Variants in NRXN1 observed in about 807,000 individuals in gnomAD.
NRXN1 encodes neurexin-1.
In NRXN1, 39 loss-of-function variants were observed where a neutral mutation model predicts 150.9. The ratio of observed to expected loss-of-function variants is 0.26; its 90% confidence interval spans 0.20 to 0.34. The LOEUF (loss-of-function observed/expected upper bound fraction) is 0.34, where lower values mean the gene tolerates loss of function less well. Among genes scored for constraint, NRXN1 ranks in the 10% least tolerant of loss-of-function variants. The pLI is 1.00. For synonymous variants in NRXN1, 924 were observed against 757.0 expected (o/e 1.22, Z -3.62); for missense variants, 1,815 against 1,949.9 (o/e 0.93, Z 1.30).
At chr2:50,716,644 C>T (rs1210304735) in intron 5 of NRXN1, among the ~76,000 whole-genome samples, 1 of 152,080 alleles carries the variant, frequency 6.6e-6, no homozygotes, top group Non-Finnish European at 1.5e-5. Flanking sequence ...TATCTACTTC[C>T]ATCTACATAT....
At chr2:50,662,115 T>C (rs1384343744) in intron 5 of NRXN1, among the ~76,000 whole-genome samples, 2 of 152,050 alleles carry the variant, frequency 1.3e-5, no homozygotes, top group Non-Finnish European at 2.9e-5. Context: ...TGAAATGCTA[T>C]AAACTAAACA....
At chr2:50,451,531 T>C (rs2086964990) in intron 17 of NRXN1, among the ~76,000 whole-genome samples, 1 of 152,186 alleles carries the variant, frequency 6.6e-6, no homozygotes. Flanking sequence ...GAAGGGAAAA[T>C]AGTACTCACC....
intron 18 of NRXN1, among the ~76,000 whole-genome samples, chr2:50,140,503 G>C (rs972036902): frequency 4.6e-5 from 7 of 152,180 alleles, no homozygotes; most frequent in South Asian, 4.1e-4. Flanking sequence ...ACAAAGTCCA[G>C]TGACTACAGA....
intron 15 of NRXN1, among the ~76,000 whole-genome samples, chr2:50,493,487 C>T (rs533812666): frequency 5.3e-5 from 8 of 152,268 alleles, no homozygotes; most frequent in East Asian, 3.9e-4. Context: ...CTCATAGAGA[C>T]GGAGAGCTTT....
chr2:50,114,305 G>A lies in NRXN1; in HGVS notation c.3547-22811C>T, dbSNP rs537253097. ...AGGAATTGCAAGTTAAAACTACAGT[G>A]ATACACCACTATAAACCTAGTAGAA... On this transcript the variant is annotated intron_variant, in intron 18 of 22. Transcript: ENST00000401669. 5.3e-5 allele frequency among the ~76,000 whole-genome samples: 8 copies of A among 152,248 alleles called. No homozygotes were observed. The South Asian group carries it at 1.7e-3, about 32-fold the overall frequency.
intron 18 of NRXN1, among the ~76,000 whole-genome samples, chr2:50,223,916 T>TCACACATAAGGC (rs1225601816): frequency 6.6e-6 from 1 of 151,916 alleles, no homozygotes; most frequent in East Asian, 1.9e-4. Flanking sequence ...TTCATATTCA[T>TCACACATAAGGC]CACACATAAG....
chr2:50,539,180 T>G (rs2093335755), intron 9 of NRXN1, among the ~76,000 whole-genome samples: 1 of 148,914 alleles, frequency 6.7e-6, no homozygotes, highest in Non-Finnish European at 1.5e-5. Context: ...TTTGTTTCCC[T>G]TACTCATAAT....
chr2:50,953,259 C>T (rs1291941526), intron 2 of NRXN1, among the ~76,000 whole-genome samples: 1 of 152,168 alleles, frequency 6.6e-6, no homozygotes, highest in Non-Finnish European at 1.5e-5. Flanking sequence ...GTCTCTGAGT[C>T]ACACTTTCCT....
chr2:49,944,212 A>G lies in NRXN1; in HGVS notation c.4129-421T>C, dbSNP rs138766033. The stretch of plus-strand genomic sequence containing the variant: ...AAAAGCAGAAAAGCCATAACCTTTT[A>G]CACTCACGACTATGTAGAGTTTGAT... On this transcript the variant is annotated intron_variant, in intron 21 of 22. Transcript: ENST00000401669. Among the ~76,000 whole-genome samples, 9 of 152,334 alleles carry G rather than the reference A, an allele frequency of 5.9e-5. No homozygotes were observed. In the East Asian group the frequency reaches 1.7e-3, roughly 29 times the overall value.
chr2:50,289,622 A>G lies in NRXN1; in HGVS notation c.3365-52652T>C, dbSNP rs117531940. 5.9e-3 allele frequency among the ~76,000 whole-genome samples: 894 copies of G among 152,284 alleles called. 24 individuals carry two copies. Among genetic ancestry groups the G allele is most frequent in the East Asian group, 0.017 (88 of 5,190 alleles). The stretch of plus-strand genomic sequence containing the variant: ...ACTGTATTCCTAAAGGCAATTTACT[A>G]TTAGCTATGAATTTTCAGGTAGGCT... On this transcript the variant is annotated intron_variant, in intron 17 of 22. Transcript: ENST00000401669.
chr2:49,943,553 T>C (rs1672368870), intron 22 of NRXN1, 151 bp downstream of exon 22: 1 of 657,982 alleles, frequency 1.5e-6, no homozygotes, highest in Non-Finnish European at 2.7e-6. Context: ...TGTGGAAAAA[T>C]TTATGTAAAA....
chr2:49,988,851 A>C (rs1470060527), intron 21 of NRXN1, among the ~76,000 whole-genome samples: 1 of 152,220 alleles, frequency 6.6e-6, no homozygotes, highest in Non-Finnish European at 1.5e-5. Flanking sequence ...TAAATTAAGT[A>C]AATTGCAAAT....
chr2:49,942,343 G>A (rs946495107), intron 22 of NRXN1, among the ~76,000 whole-genome samples: 2 of 152,088 alleles, frequency 1.3e-5, no homozygotes, highest in African/African-American at 2.4e-5. Flanking sequence ...CTCTCTAAGC[G>A]CTACAGTCAG....
chr2:50,766,066 T>C (rs1025153815), intron 5 of NRXN1, among the ~76,000 whole-genome samples: 3 of 151,970 alleles, frequency 2.0e-5, no homozygotes, highest in Non-Finnish European at 4.4e-5. Context: ...CAAACAATCA[T>C]GAAACACAGC....
intron 18 of NRXN1, among the ~76,000 whole-genome samples, chr2:50,129,143 CAA>C (rs1343462905): frequency 6.6e-6 from 1 of 152,012 alleles, no homozygotes; most frequent in Non-Finnish European, 1.5e-5. Flanking sequence ...CACAAACAAA[CAA>C]GAGAAATTAT....
intron 18 of NRXN1, among the ~76,000 whole-genome samples, chr2:50,225,558 A>G (rs999412648): frequency 2.0e-5 from 3 of 151,998 alleles, no homozygotes; most frequent in African/African-American, 7.2e-5. Flanking sequence ...CCTAGGGGAC[A>G]AAGGAAGGTT....
chr2:50,417,351 T>G (rs776468427), intron 17 of NRXN1: 8 of 152,150 alleles, frequency 5.3e-5, no homozygotes, highest in Non-Finnish European at 1.2e-4. Flanking sequence ...GGGTACAGAA[T>G]AAAAGGGGCA....
intron 17 of NRXN1, among the ~76,000 whole-genome samples, chr2:50,259,521 C>G (rs1424358721): frequency 6.6e-6 from 1 of 151,754 alleles, no homozygotes; most frequent in African/African-American, 2.4e-5. Flanking sequence ...TTTTTAGTAT[C>G]CTGCTAATTA....
intron 21 of NRXN1, among the ~76,000 whole-genome samples, chr2:50,001,556 G>A (rs1683932687): frequency 6.6e-6 from 1 of 152,120 alleles, no homozygotes; most frequent in Non-Finnish European, 1.5e-5. Flanking sequence ...CTATTCTGCT[G>A]CTGCCCAGCT....
Sources: gnomAD v4.1 joint callset for allele counts (sites outside exome capture counted in the v4.1 genomes callset) on GRCh38, gnomAD v4.1.1 for gene constraint, MANE v1.5 for transcripts, NCBI Gene and HGNC (gene_info 2026-07-23, HGNC 2026-07-21) for gene names.